The following NDUFS1 variants were observed in gnomAD, a reference collection of about 807,000 sequenced individuals.
NDUFS1 encodes NADH-ubiquinone oxidoreductase 75 kDa subunit, mitochondrial.
NDUFS1 carries 61 observed loss-of-function variants against 84.4 expected under a neutral mutation model. The observed-to-expected ratio is 0.72, with a 90% confidence interval of 0.59 to 0.89. The LOEUF (loss-of-function observed/expected upper bound fraction) is 0.89, where lower values mean the gene tolerates loss of function less well. Among genes scored for constraint, NDUFS1 ranks in the 40% least tolerant of loss-of-function variants. NDUFS1 has a pLI of 0.00. For synonymous variants in NDUFS1, 275 were observed against 290.0 expected, an observed-to-expected ratio of 0.95 and a Z score of 0.53; for missense variants, 891 against 890.0, an observed-to-expected ratio of 1.00 and a Z score of -0.01.
chr2:206,132,036 G>C (rs948095967), intron 14 of NDUFS1, among the ~76,000 whole-genome samples: 1 of 150,946 alleles, frequency 6.6e-6, no homozygotes, highest in African/African-American at 2.4e-5. Context: ...GAGGCAGGAG[G>C]ATCGCTTGAA....
intron 5 of NDUFS1, 42 bp from the exon 6 acceptor site, chr2:206,147,876 C>G (rs1313338891): frequency 6.6e-7 from 1 of 1,524,510 alleles, no homozygotes; most frequent in Non-Finnish European, 9.1e-7. Flanking sequence ...CTCAAATACA[C>G]ACACACTGAC....
At chr2:206,129,832 T>G (rs2105948125) in intron 15 of NDUFS1, among the ~76,000 whole-genome samples, 1 of 152,192 alleles carries the variant, frequency 6.6e-6, no homozygotes, top group Non-Finnish European at 1.5e-5. Context: ...CCTCAGGTGA[T>G]CCACCCGCAC....
intron 14 of NDUFS1, 121 bp from the exon 15 acceptor site, chr2:206,130,363 T>G: frequency 2.3e-6 from 3 of 1,311,126 alleles, no homozygotes; most frequent in Non-Finnish European, 3.1e-6. Context: ...TTTATTTTAT[T>G]TTTTTCTCGG....
At position 206,142,828 on chromosome 2, in the gene NDUFS1, G is replaced by C; in HGVS notation, c.991C>G (p.Gln331Glu). Residue 331 changes from glutamine (Q) to glutamate (E), a missense_variant, in exon 11 of 19, where the codon CAG becomes GAG. Physicochemically the swap from Gln to Glu is conservative, Grantham distance 29. Transcript: ENST00000233190. ...GCCACATCTTTGCCTTGAAAACTCT[G>C]CAACTAGAAACAGATGAAAAGGGCA... ...DALSRVAGML[Q>E]SFQGKDVAAI... 1 of 1,614,084 alleles carries C rather than the reference G, an allele frequency of 6.2e-7. No homozygotes were observed. Among genetic ancestry groups the C allele is most frequent in the Non-Finnish European group, 8.5e-7 (1 of 1,180,026 alleles).
intron 12 of NDUFS1, among the ~76,000 whole-genome samples, chr2:206,141,597 T>A (rs1441894237): frequency 1.5e-5 from 2 of 136,392 alleles, no homozygotes; most frequent in Non-Finnish European, 3.2e-5. Flanking sequence ...TTAAAAAAAT[T>A]AAAAAAAAAA....
chr2:206,158,670 C>T (rs1687774967), intron 1 of NDUFS1, among the ~76,000 whole-genome samples: 1 of 152,228 alleles, frequency 6.6e-6, no homozygotes, highest in Non-Finnish European at 1.5e-5. Context: ...GTTAACGTTA[C>T]ACTTCTATAC....
intron 15 of NDUFS1, 89 bp from the exon 16 acceptor site, chr2:206,128,061 C>T: frequency 7.0e-7 from 1 of 1,418,486 alleles, no homozygotes; most frequent in Non-Finnish European, 9.8e-7. Context: ...ATTTTAAATC[C>T]CATTTTGTAA....
intron 3 of NDUFS1, among the ~76,000 whole-genome samples, chr2:206,152,015 G>A (rs563917443): frequency 2.0e-5 from 3 of 152,182 alleles, no homozygotes; most frequent in South Asian, 2.1e-4. Flanking sequence ...ACAGGTGCGC[G>A]CCACGATGCG....
intron 8 of NDUFS1, among the ~76,000 whole-genome samples, chr2:206,145,939 T>C (rs1390697636): frequency 6.6e-6 from 1 of 152,186 alleles, no homozygotes; most frequent in Non-Finnish European, 1.5e-5. Flanking sequence ...CAAGCATTCC[T>C]AACAGAGGCT....
intron 5 of NDUFS1, among the ~76,000 whole-genome samples, chr2:206,148,794 G>A (rs923337514): frequency 6.6e-6 from 1 of 152,126 alleles, no homozygotes; most frequent in Admixed American, 6.6e-5. Flanking sequence ...AGTTGAGCAA[G>A]TTACTAAAGA....
At chr2:206,142,460 C>T (rs937109641) in intron 11 of NDUFS1, among the ~76,000 whole-genome samples, 1 of 152,220 alleles carries the variant, frequency 6.6e-6, no homozygotes, top group African/African-American at 2.4e-5. Flanking sequence ...GGCGATCTGC[C>T]TGCCTTGGCC....
In NDUFS1 at chr2:206,159,279, C is replaced by T. The variant is rs1185865743; in HGVS notation, c.-5+62G>A. 7.8e-6 allele frequency: 6 copies of T among 774,042 alleles called. No individual in the cohort carries two copies. The East Asian group carries it at 1.1e-4, about 14-fold the overall frequency. 47.9% of individuals were successfully genotyped at this position (774,042 alleles called of 1,614,324 possible). On this transcript the variant is annotated intron_variant, in intron 1 of 18. Coordinates refer to ENST00000233190, the MANE Select transcript of NDUFS1 (RefSeq NM_005006.7). ...CGTCGCGTGGGCCAAAGGAAACAGT[C>T]CCGTCAATAAATAAGCCTCTGGCCG...
Position 206,116,503 on chromosome 2 carries a change from TC to T in NDUFS1, c.*7681del. On this transcript the variant is annotated 3_prime_UTR_variant, in exon 19 of 19. Transcript: ENST00000233190. ...CTCCGCACCACTCGCAGCGCCATGT[TC>T]CCAGGGGTGCGGGGATGGCAGCGCT... The T allele has an allele frequency of 8.3e-7, 1 of 1,203,570 alleles. No individual in the cohort carries two copies. 74.6% of individuals were successfully genotyped at this position (1,203,570 alleles called of 1,614,324 possible). A position where few individuals can be genotyped will look rare whatever the true frequency, so the allele number is the denominator to read the frequency against.
intron 8 of NDUFS1, among the ~76,000 whole-genome samples, chr2:206,146,344 A>C (rs1389638584): frequency 2.0e-5 from 3 of 152,264 alleles, no homozygotes; most frequent in Non-Finnish European, 4.4e-5. Flanking sequence ...CAGAAACAAA[A>C]AGCCAAATCC....
intron 12 of NDUFS1, among the ~76,000 whole-genome samples, chr2:206,141,238 G>A (rs1473540969): frequency 2.6e-5 from 4 of 151,926 alleles, no homozygotes; most frequent in African/African-American, 7.3e-5. Flanking sequence ...AACATGGCAA[G>A]GCTCCATCTC....
intron 14 of NDUFS1, among the ~76,000 whole-genome samples, chr2:206,132,107 AGAGT>A (rs1286710978): frequency 2.0e-5 from 3 of 152,084 alleles, no homozygotes; most frequent in Non-Finnish European, 2.9e-5. Context: ...ATTGGGCAAC[AGAGT>A]GAGACTCTGG....
chr2:206,153,871 G>A (rs1401490867), intron 1 of NDUFS1, among the ~76,000 whole-genome samples, 189 bp from the exon 2 acceptor site: 4 of 152,110 alleles, frequency 2.6e-5, no homozygotes, highest in African/African-American at 9.7e-5. Flanking sequence ...CAATGTCAAA[G>A]AGCTAAGCAG....
intron 1 of NDUFS1, among the ~76,000 whole-genome samples, chr2:206,155,733 TA>T (rs751455231): frequency 1.3e-4 from 20 of 149,006 alleles, no homozygotes; most frequent in South Asian, 4.3e-4. Flanking sequence ...TTTTATTTTT[TA>T]GTAGAGATGG....
chr2:206,147,533 G>T lies in NDUFS1; in HGVS notation c.549C>A (p.Ile183=). Residue 183 remains isoleucine (I), a splice_region_variant and synonymous_variant, in exon 7 of 19, where the codon ATC becomes ATA. Coordinates refer to ENST00000233190, the MANE Select transcript of NDUFS1 (RefSeq NM_005006.7). ...MTRCIQCTRC[I]RFASEIAGVD... ...GAAAAAAAAGGAAAAAAAGTTACCT[G>T]ATGCAGCGAGTACACTGTATACATC... 1 of 1,613,432 alleles carries T rather than the reference G, an allele frequency of 6.2e-7. No individual in the cohort carries two copies. The highest frequency in any genetic ancestry group is 8.5e-7 in the Non-Finnish European group (1 of 1,179,804).
Sources: gnomAD v4.1 joint callset for allele counts (sites outside exome capture counted in the v4.1 genomes callset) on GRCh38, gnomAD v4.1.1 for gene constraint, MANE v1.5 for transcripts, NCBI Gene and HGNC (gene_info 2026-07-23, HGNC 2026-07-21) for gene names.